MALAT1: variants seen among roughly 807,000 people sequenced by gnomAD.
MALAT1 encodes metastasis associated lung adenocarcinoma transcript 1, also known as hepcarcin.
chr11:65,505,415 T>C (rs1174302433), intron 3 of MALAT1: 1 of 514,692 alleles, frequency 1.9e-6, no homozygotes, highest in Non-Finnish European at 3.9e-6. Flanking sequence ...CAAGCTGTTT[T>C]TATAGCAGCT....
rs116515058 is a variant in MALAT1, at chr11:65,498,544, C to T, written n.179-138C>T. 325 of 518,300 alleles carry T rather than the reference C, an allele frequency of 6.3e-4. 2 individuals are homozygous for T. Among genetic ancestry groups the T allele is most frequent in the African/African-American group, 5.6e-3 (293 of 52,046 alleles). 32.1% of individuals were successfully genotyped at this position (518,300 alleles called of 1,614,324 possible). ...GCAAAACGTGTGGCTGTCTTGGGAGCAAGTCGCAGGACTGCAAGCAGTTGG... is the reference window on the plus strand; with the variant it reads ...GCAAAACGTGTGGCTGTCTTGGGAGTAAGTCGCAGGACTGCAAGCAGTTGG... On this transcript the variant is annotated intron_variant and non_coding_transcript_variant, in intron 1 of 3. Coordinates refer to ENST00000619449, the Ensembl canonical transcript of MALAT1.
chr11:65,503,390 A>T (rs1349378404), exon 3 of MALAT1: 1 of 517,470 alleles, frequency 1.9e-6, no homozygotes, highest in South Asian at 1.4e-5. Flanking sequence ...GGGATAGTAC[A>T]CTTCACTCAG....
exon 3 of MALAT1, chr11:65,500,376 G>T (rs764699354): frequency 9.6e-6 from 5 of 518,946 alleles, no homozygotes; most frequent in Non-Finnish European, 1.9e-5. Flanking sequence ...CTGAGGACTA[G>T]CATTAATTGA....
exon 2 of MALAT1, chr11:65,498,723 G>A (rs1418462268): frequency 1.9e-6 from 1 of 518,744 alleles, no homozygotes; most frequent in Admixed American, 1.9e-5. Context: ...AACACAAGAA[G>A]TGCTTTAAGA....
intron 1 of MALAT1, chr11:65,498,194 C>T (rs766395840): frequency 5.8e-6 from 3 of 518,840 alleles, no homozygotes; most frequent in East Asian, 1.1e-4. Flanking sequence ...GTCTCTGTGT[C>T]TTCGGAGACA....
chr11:65,503,784 C>T (rs765072785), exon 3 of MALAT1: 25 of 514,224 alleles, frequency 4.9e-5, no homozygotes, highest in South Asian at 3.3e-4. Flanking sequence ...AGCGGAAGAA[C>T]GAATGTAACT....
At chr11:65,505,008 T>C (rs1854649002) in intron 3 of MALAT1, 1 of 518,696 alleles carries the variant, frequency 1.9e-6, no homozygotes, top group Non-Finnish European at 3.8e-6. Context: ...GTGGACAAAA[T>C]GAGGAAAACA....
At chr11:65,503,726 C>A (rs1481940956) in exon 3 of MALAT1, 1 of 517,430 alleles carries the variant, frequency 1.9e-6, no homozygotes, top group Admixed American at 1.9e-5. Context: ...TCTAATCTTT[C>A]AGAAACTTTG....
At chr11:65,497,946 G>C (rs377527892) in intron 1 of MALAT1, 1 of 518,966 alleles carries the variant, frequency 1.9e-6, no homozygotes, top group African/African-American at 1.9e-5. Flanking sequence ...TGCTATCTTA[G>C]CTGTCCTTAT....
intron 3 of MALAT1, chr11:65,504,194 TC>T (rs1001077875): frequency 3.9e-6 from 2 of 517,432 alleles, no homozygotes; most frequent in South Asian, 1.4e-5. Context: ...GCTTGGCTCT[TC>T]CTTCTGTTCT....
chr11:65,501,671 G>A, exon 3 of MALAT1: 1 of 519,026 alleles, frequency 1.9e-6, no homozygotes, highest in South Asian at 1.4e-5. Flanking sequence ...TTCAGGGACT[G>A]GAGCTGCTTT....
At chr11:65,499,909 AAC>A (rs1447740396) in exon 3 of MALAT1, 1 of 428,690 alleles carries the variant, frequency 2.3e-6, no homozygotes, top group Non-Finnish European at 4.5e-6. Context: ...GAAAATGAAA[AAC>A]AAGCTAAGAC....
At chr11:65,503,292 C>T (rs1384365320) in exon 3 of MALAT1, 3 of 518,076 alleles carry the variant, frequency 5.8e-6, no homozygotes, top group African/African-American at 1.9e-5. Context: ...TTTCTCCTGA[C>T]CCCTTCCCTA....
At chr11:65,503,643 G>A (rs758839316) in exon 3 of MALAT1, 2 of 511,818 alleles carry the variant, frequency 3.9e-6, no homozygotes, top group Non-Finnish European at 7.8e-6. Context: ...CTTTTAGAAA[G>A]CTGTCTCCTT....
exon 3 of MALAT1, chr11:65,501,010 T>G (rs778728836): frequency 4.2e-6 from 2 of 477,084 alleles, no homozygotes; most frequent in African/African-American, 5.3e-5. Flanking sequence ...GTTTGTGGGT[T>G]TTTTTTTTTT....
At chr11:65,503,977 A>G (rs1364864488) in intron 3 of MALAT1, 1 of 516,216 alleles carries the variant, frequency 1.9e-6, no homozygotes. Context: ...CTATAAATTG[A>G]CAGTGATTAG....
Position 65,498,900 on chromosome 11 carries a change from A to T in MALAT1, n.232-69A>T, listed in dbSNP as rs373482864. On this transcript the variant is annotated intron_variant and non_coding_transcript_variant, in intron 2 of 3. Coordinates refer to ENST00000619449, the Ensembl canonical transcript of MALAT1. ...CATTCAAGTTCCATAAGCTGTTAAG[A>T]AAAATCTAGAAAAGTAAAACTAGAA... 4.4e-5 allele frequency: 23 copies of T among 518,536 alleles called. 1 individual carries two copies. The highest frequency in any genetic ancestry group is 2.2e-4 in the East Asian group (4 of 18,366). 32.1% of individuals were successfully genotyped at this position (518,536 alleles called of 1,614,324 possible). A position where few individuals can be genotyped will look rare whatever the true frequency, so the allele number is the denominator to read the frequency against.
exon 3 of MALAT1, chr11:65,502,078 C>G (rs1043718568): frequency 1.9e-6 from 1 of 517,644 alleles, no homozygotes; most frequent in Admixed American, 1.9e-5. Flanking sequence ...AAATATGAGC[C>G]ACTGGGTGTA....
At chr11:65,502,033 T>C (rs780628838) in exon 3 of MALAT1, 5 of 516,878 alleles carry the variant, frequency 9.7e-6, no homozygotes, top group African/African-American at 7.7e-5. Context: ...TTAGTTTTTT[T>C]CCCCCCAGTT....
Sources: gnomAD v4.1 joint callset for allele counts on GRCh38, gnomAD v4.1.1 for gene constraint, MANE v1.5 for transcripts, NCBI Gene and HGNC (gene_info 2026-07-23, HGNC 2026-07-21) for gene names.